Variants in SHISA9 observed in about 807,000 individuals in gnomAD.
The protein encoded by SHISA9 is shisa family member 9.
In SHISA9, 13 loss-of-function variants were observed where a neutral mutation model predicts 38.0. That is an observed-to-expected ratio of 0.34 (90% CI 0.22 to 0.54). The LOEUF (loss-of-function observed/expected upper bound fraction) is 0.54, where lower values mean the gene tolerates loss of function less well. SHISA9 is among the 20% of genes least tolerant of loss of function. SHISA9 has a pLI of 0.91. For missense variants in SHISA9, 538 were observed against 575.8 expected, an observed-to-expected ratio of 0.93 and a Z score of 0.67; for synonymous variants, 275 against 242.0, an observed-to-expected ratio of 1.14 and a Z score of -1.27.
Position 13,064,863 on chromosome 16 carries a change from C to G in SHISA9, c.692-138531C>G, listed in dbSNP as rs192406569. On this transcript the variant is annotated intron_variant, in intron 2 of 4. Transcript: ENST00000558583. ...TCACCAGAGTGGGATATAAACCAAA[C>G]AGCCAAGGGAGAGGGTGAGACACTG... 2.9e-4 allele frequency among the ~76,000 whole-genome samples: 43 copies of G among 149,748 alleles called. No homozygotes were observed. The East Asian group carries it at 8.1e-3, about 28-fold the overall frequency.
chr16:13,447,260 T>A, the SHISA9 span, among the ~76,000 whole-genome samples: 3 of 152,096 alleles, frequency 2.0e-5, no homozygotes, highest in South Asian at 6.2e-4. Context: ...CTGTTTTGAG[T>A]CCCAGTAGTC....
chr16:13,177,859 G>A (rs1013843516), intron 2 of SHISA9, among the ~76,000 whole-genome samples: 6 of 152,064 alleles, frequency 3.9e-5, no homozygotes, highest in Non-Finnish European at 7.4e-5. Flanking sequence ...TAGTACAGAA[G>A]GGGTTTCACC....
At chr16:13,244,579 G>A (rs73507186), downstream of SHISA9, among the ~76,000 whole-genome samples, 4,524 of 152,166 alleles carry the variant, frequency 0.03, 192 homozygotes, top group African/African-American at 0.098. Flanking sequence ...AATACACATA[G>A]CATACTAAAT....
the SHISA9 span, among the ~76,000 whole-genome samples, chr16:13,333,860 C>A: frequency 1.5e-4 from 23 of 152,292 alleles, no homozygotes; most frequent in African/African-American, 5.5e-4. Context: ...TATGCTTTCT[C>A]ATTAAAACTT....
At chr16:13,503,396 T>C in the SHISA9 span, among the ~76,000 whole-genome samples, 1 of 152,348 alleles carries the variant, frequency 6.6e-6, no homozygotes, top group Admixed American at 6.5e-5. Context: ...TATTATTTTT[T>C]CATGATTCTA....
intron 2 of SHISA9, among the ~76,000 whole-genome samples, chr16:13,032,865 GA>G (rs201619442): frequency 1.1e-5 from 1 of 93,498 alleles, no homozygotes; most frequent in Non-Finnish European, 2.8e-5. Flanking sequence ...GTGAGAAACA[GA>G]AAACCCAATT....
the SHISA9 span, among the ~76,000 whole-genome samples, chr16:13,296,785 G>A: frequency 6.6e-6 from 1 of 150,842 alleles, no homozygotes; most frequent in African/African-American, 2.4e-5. Context: ...CAGCTACTTG[G>A]GAGGCTGAGG....
chr16:13,048,403 C>A lies in SHISA9; in HGVS notation c.691+131588C>A, dbSNP rs118173125. ...AATTTCTAGTAAGCCTTTTGAGCCACCAAAAATAGTTTATGGACTTATAAC... is the reference window on the plus strand; with the variant it reads ...AATTTCTAGTAAGCCTTTTGAGCCAACAAAAATAGTTTATGGACTTATAAC... On this transcript the variant is annotated intron_variant, in intron 2 of 4. Transcript: ENST00000558583. Among the ~76,000 whole-genome samples the A allele has an allele frequency of 7.1e-3, 1,087 of 152,226 alleles. 7 individuals carry two copies. Among genetic ancestry groups the A allele is most frequent in the Middle Eastern group, 0.014 (4 of 294 alleles).
chr16:13,136,831 T>A (rs868759010), intron 2 of SHISA9, among the ~76,000 whole-genome samples: 26 of 151,852 alleles, frequency 1.7e-4, no homozygotes, highest in African/African-American at 6.0e-4. Flanking sequence ...CCCAGTAAAA[T>A]TTTTTTTTGA....
intron 1 of SHISA9, chr16:12,909,166 G>T (rs981993760): frequency 6.1e-6 from 6 of 985,648 alleles, no homozygotes; most frequent in Non-Finnish European, 7.2e-6. Flanking sequence ...TTCTTTGCAG[G>T]GTATGTTGAC....
intron 2 of SHISA9, among the ~76,000 whole-genome samples, chr16:13,034,491 T>G (rs1352202176): frequency 4.6e-5 from 7 of 152,200 alleles, no homozygotes; most frequent in African/African-American, 7.2e-5. Flanking sequence ...AAGCAACATC[T>G]TATTGAGGGC....
At chr16:13,439,213 A>G in the SHISA9 span, among the ~76,000 whole-genome samples, 1 of 152,176 alleles carries the variant, frequency 6.6e-6, no homozygotes, top group Non-Finnish European at 1.5e-5. Flanking sequence ...AGTAGTTTCC[A>G]GGGGCCAGGG....
the SHISA9 span, among the ~76,000 whole-genome samples, chr16:13,443,458 C>T: frequency 1.3e-5 from 2 of 152,194 alleles, no homozygotes; most frequent in African/African-American, 4.8e-5. Context: ...GGTACAATTT[C>T]CACTTCCCAG....
the SHISA9 span, among the ~76,000 whole-genome samples, chr16:13,317,998 G>GT: frequency 0.6 from 88,006 of 146,582 alleles, 27,208 homozygotes; most frequent in African/African-American, 0.78. Context: ...CAAATGCCTT[G>GT]TTTTTTTTTT....
intron 2 of SHISA9, among the ~76,000 whole-genome samples, chr16:12,920,964 C>T (rs1010293768): frequency 6.6e-5 from 10 of 152,138 alleles, no homozygotes; most frequent in African/African-American, 2.2e-4. Context: ...AAGCCAGAAG[C>T]GATTACAAAG....
At chr16:13,170,281 A>C (rs943784254) in intron 2 of SHISA9, among the ~76,000 whole-genome samples, 2 of 152,108 alleles carry the variant, frequency 1.3e-5, no homozygotes, top group African/African-American at 4.8e-5. Flanking sequence ...ATAAGTATCT[A>C]CTGAGCCACT....
intron 2 of SHISA9, among the ~76,000 whole-genome samples, chr16:12,963,183 G>A (rs1202040704): frequency 6.6e-6 from 1 of 152,214 alleles, no homozygotes; most frequent in African/African-American, 2.4e-5. Flanking sequence ...GTTCTTAGTT[G>A]TCAGCTGACA....
intron 2 of SHISA9, among the ~76,000 whole-genome samples, chr16:13,126,384 C>G (rs1330602522): frequency 6.6e-6 from 1 of 151,422 alleles, no homozygotes; most frequent in African/African-American, 2.4e-5. Flanking sequence ...TAAGGTCAGG[C>G]AAAGAATGGG....
At chr16:13,325,671 G>A in the SHISA9 span, among the ~76,000 whole-genome samples, 174 of 152,284 alleles carry the variant, frequency 1.1e-3, no homozygotes, top group African/African-American at 4.0e-3. Context: ...ACGACTAGGA[G>A]AGTTGATAAT....
Sources: allele counts gnomAD v4.1 joint callset (sites outside exome capture counted in the v4.1 genomes callset), GRCh38; gene constraint gnomAD v4.1.1; transcripts MANE v1.5; gene names NCBI Gene and HGNC (gene_info 2026-07-23, HGNC 2026-07-21).